Variants in NEK11 observed in about 807,000 individuals in gnomAD.
NEK11 encodes NIMA related kinase 11.
A neutral mutation model predicts 80.7 loss-of-function variants in NEK11; 72 were observed. The ratio of observed to expected loss-of-function variants is 0.89; its 90% CI spans 0.74 to 1.08. The LOEUF is 1.08. NEK11 is among the 50% of genes least tolerant of loss of function. The pLI, the probability that NEK11 is intolerant of heterozygous loss-of-function variation, is 0.00. For missense variants in NEK11, 764 were observed against 763.6 expected (o/e 1.00, Z -0.01); for synonymous variants, 251 against 260.7 (o/e 0.96, Z 0.36).
intron 16 of NEK11, among the ~76,000 whole-genome samples, chr3:131,252,014 A>G (rs964343755): frequency 2.0e-5 from 3 of 152,116 alleles, no homozygotes; most frequent in African/African-American, 7.2e-5. Flanking sequence ...ATCCCATCAC[A>G]TAGTCTTATA....
At chr3:131,255,817 C>A (rs2095805172) in intron 16 of NEK11, among the ~76,000 whole-genome samples, 1 of 152,194 alleles carries the variant, frequency 6.6e-6, no homozygotes, top group African/African-American at 2.4e-5. Context: ...TACAAACCTT[C>A]TACTTCTCTG....
intron 4 of NEK11, among the ~76,000 whole-genome samples, chr3:131,096,981 C>A (rs534586201): frequency 2.7e-5 from 4 of 148,234 alleles, no homozygotes; most frequent in Non-Finnish European, 4.4e-5. Flanking sequence ...TGAGAACATG[C>A]GGTGTTTGGT....
At chr3:131,285,137 T>A (rs1277644715) in intron 17 of NEK11, among the ~76,000 whole-genome samples, 2 of 152,200 alleles carry the variant, frequency 1.3e-5, no homozygotes. Context: ...TTCAAACTAA[T>A]CATTAGGCAT....
chr3:131,146,091 C>T (rs942648474), intron 7 of NEK11, among the ~76,000 whole-genome samples: 9 of 151,972 alleles, frequency 5.9e-5, no homozygotes, highest in Admixed American at 2.0e-4. Flanking sequence ...ACAGCCCTTC[C>T]GATATGCCCA....
chr3:131,074,198 G>A (rs1214143473), intron 3 of NEK11, among the ~76,000 whole-genome samples: 1 of 152,052 alleles, frequency 6.6e-6, no homozygotes, highest in Admixed American at 6.6e-5. Flanking sequence ...GCCTTCTAGG[G>A]GACCCAAATG....
chr3:131,293,048 T>C (rs558816267), intron 17 of NEK11, among the ~76,000 whole-genome samples: 48 of 152,166 alleles, frequency 3.2e-4, no homozygotes, highest in Admixed American at 2.2e-3. Flanking sequence ...GAGAACATTA[T>C]TTCTTCTTTC....
At chr3:131,187,685 G>A (rs2093650664) in intron 14 of NEK11, among the ~76,000 whole-genome samples, 1 of 152,082 alleles carries the variant, frequency 6.6e-6, no homozygotes, top group Admixed American at 6.6e-5. Flanking sequence ...CCACTAAATA[G>A]AAGAAATGAG....
chr3:131,200,348 G>A (rs922823204), intron 14 of NEK11, among the ~76,000 whole-genome samples: 2 of 152,192 alleles, frequency 1.3e-5, no homozygotes, highest in African/African-American at 4.8e-5. Flanking sequence ...TGTTAAGGAT[G>A]TGGAACTACA....
intron 3 of NEK11, among the ~76,000 whole-genome samples, chr3:131,030,164 A>G (rs1019600962): frequency 6.6e-6 from 1 of 152,062 alleles, no homozygotes; most frequent in Non-Finnish European, 1.5e-5. Context: ...GCTTAAACCC[A>G]GGAGGTGGAG....
chr3:131,261,568 C>T (rs1450698610), intron 16 of NEK11, among the ~76,000 whole-genome samples: 7 of 152,116 alleles, frequency 4.6e-5, no homozygotes, highest in South Asian at 2.1e-4. Context: ...AATGAAACTA[C>T]TGAAATATAA....
chr3:131,028,042 G>C (rs2064165931), intron 2 of NEK11, 40 bp downstream of exon 2: 1 of 152,198 alleles, frequency 6.6e-6, no homozygotes, highest in Admixed American at 6.5e-5. Context: ...AGTATGGCCA[G>C]ACGGCATCAC....
At chr3:131,105,790 G>T (rs771462653) in intron 4 of NEK11, among the ~76,000 whole-genome samples, 1 of 152,126 alleles carries the variant, frequency 6.6e-6, no homozygotes, top group Non-Finnish European at 1.5e-5. Flanking sequence ...TGAGATTTTG[G>T]GTGGGGACAC....
At chr3:131,086,713 G>T (rs930021377) in intron 4 of NEK11, among the ~76,000 whole-genome samples, 1 of 152,168 alleles carries the variant, frequency 6.6e-6, no homozygotes, top group Admixed American at 6.5e-5. Flanking sequence ...AGGACCAGGG[G>T]TATTGGGATA....
In NEK11 at chr3:131,210,131, A is replaced by G. The variant is rs561548851; in HGVS notation, c.1400-18397A>G. On this transcript the variant is annotated intron_variant, in intron 14 of 17. Transcript: ENST00000383366. The stretch of plus-strand genomic sequence containing the variant: ...CTCCTGTGGGCATTTAGTGCTTTAA[A>G]TTTCCCTCTACACACTGCTTTAAAT... Among the ~76,000 whole-genome samples, 7 of 152,236 alleles carry G rather than the reference A, an allele frequency of 4.6e-5. No individual in the cohort carries two copies. The South Asian group carries it at 8.3e-4, about 18-fold the overall frequency.
intron 16 of NEK11, among the ~76,000 whole-genome samples, chr3:131,245,415 G>GC (rs2095585286): frequency 1.3e-5 from 2 of 151,846 alleles, no homozygotes. Context: ...ACATAAAAGT[G>GC]CAGGTATCTT....
At chr3:131,148,526 A>G (rs1330932489) in intron 7 of NEK11, among the ~76,000 whole-genome samples, 1 of 151,908 alleles carries the variant, frequency 6.6e-6, no homozygotes, top group Non-Finnish European at 1.5e-5. Flanking sequence ...ACAAATATCT[A>G]TATTGAGAAG....
At chr3:131,055,415 A>G (rs549867629) in intron 3 of NEK11, among the ~76,000 whole-genome samples, 2 of 152,248 alleles carry the variant, frequency 1.3e-5, no homozygotes, top group Admixed American at 6.5e-5. Flanking sequence ...AATATATAAT[A>G]TACTAAAATG....
chr3:131,148,879 C>T (rs1473792483), intron 7 of NEK11, among the ~76,000 whole-genome samples: 3 of 150,978 alleles, frequency 2.0e-5, no homozygotes, highest in African/African-American at 4.9e-5. Context: ...AATAGTCGTA[C>T]ATATTTATGG....
intron 3 of NEK11, among the ~76,000 whole-genome samples, chr3:131,049,886 A>G (rs2068063845): frequency 6.6e-6 from 1 of 152,228 alleles, no homozygotes; most frequent in African/African-American, 2.4e-5. Context: ...ACAATTTAAA[A>G]AAAGTTGTTG....
Sources: gnomAD v4.1 joint callset for allele counts (sites outside exome capture counted in the v4.1 genomes callset) on GRCh38, gnomAD v4.1.1 for gene constraint, MANE v1.5 for transcripts, NCBI Gene and HGNC (gene_info 2026-07-23, HGNC 2026-07-21) for gene names.